ITSN1: variants seen among roughly 807,000 people sequenced by gnomAD.
ITSN1 encodes the protein intersectin-1.
Under a neutral mutation model 239.8 loss-of-function variants are expected in ITSN1, and 58 were observed. That is an observed-to-expected ratio of 0.24 (90% CI 0.20 to 0.30). The LOEUF is 0.30. Among genes scored for constraint, ITSN1 ranks in the 10% least tolerant of loss-of-function variants. The pLI, the probability that ITSN1 is intolerant of heterozygous loss-of-function variation, is 1.00. For synonymous variants in ITSN1, 780 were observed against 770.8 expected, an observed-to-expected ratio of 1.01 and a Z score of -0.20; for missense variants, 1,558 against 2,103.3, an observed-to-expected ratio of 0.74 and a Z score of 5.07.
At chr21:33,839,005 C>T (rs907179388) in intron 29 of ITSN1, among the ~76,000 whole-genome samples, 1 of 152,220 alleles carries the variant, frequency 6.6e-6, no homozygotes, top group Non-Finnish European at 1.5e-5. Context: ...GCTACAATGA[C>T]CACATGCTTG....
At chr21:33,660,448 C>T (rs891826023) in intron 1 of ITSN1, among the ~76,000 whole-genome samples, 3 of 152,106 alleles carry the variant, frequency 2.0e-5, no homozygotes, top group Non-Finnish European at 4.4e-5. Context: ...AAACCTATTA[C>T]ATGTTAACAT....
chr21:33,679,698 CTTTTTTTTTT>C (rs34301203), intron 1 of ITSN1, among the ~76,000 whole-genome samples: 11 of 86,318 alleles, frequency 1.3e-4, no homozygotes, highest in Admixed American at 1.7e-4. Flanking sequence ...GATCCTTATC[CTTTTTTTTTT>C]TTTTTTTTTT....
intron 14 of ITSN1, among the ~76,000 whole-genome samples, chr21:33,779,365 G>A (rs1042453557): frequency 4.6e-5 from 7 of 151,638 alleles, no homozygotes; most frequent in African/African-American, 1.7e-4. Context: ...TTTTTAATAT[G>A]TTGCATTTTC....
intron 29 of ITSN1, among the ~76,000 whole-genome samples, chr21:33,838,878 C>T (rs1267807888): frequency 6.6e-6 from 1 of 152,158 alleles, no homozygotes; most frequent in African/African-American, 2.4e-5. Context: ...TGGTGAACAC[C>T]CCCAAAATTA....
intron 29 of ITSN1, among the ~76,000 whole-genome samples, chr21:33,846,552 C>T (rs1264557987): frequency 2.0e-5 from 3 of 152,178 alleles, no homozygotes; most frequent in African/African-American, 7.2e-5. Flanking sequence ...CACCCTGCCT[C>T]CCTGCTGATT....
In ITSN1 at chr21:33,894,107, A is replaced by G. The variant is rs952478090; in HGVS notation, c.*5807A>G. On this transcript the variant is annotated 3_prime_UTR_variant, in exon 40 of 40. Transcript: ENST00000381318. ...GACGGGCCTGCCTTGGTGGCATTCAAGCAAGCCTAATTGGATTAGGTTGGT... is the reference window on the plus strand; with the variant it reads ...GACGGGCCTGCCTTGGTGGCATTCAGGCAAGCCTAATTGGATTAGGTTGGT... The G allele has an allele frequency of 2.0e-5, 3 of 152,240 alleles. No individual in the cohort carries two copies. Among genetic ancestry groups the G allele is most frequent in the Non-Finnish European group, 4.4e-5 (3 of 68,042 alleles). 9.4% of individuals were successfully genotyped at this position (152,240 alleles called of 1,614,324 possible). A position where few individuals can be genotyped will look rare whatever the true frequency, so the allele number is the denominator to read the frequency against.
At chr21:33,685,616 TAAA>T (rs933917476) in intron 1 of ITSN1, among the ~76,000 whole-genome samples, 26 of 109,266 alleles carry the variant, frequency 2.4e-4, no homozygotes, top group Admixed American at 3.9e-4. Flanking sequence ...CCTTTTTGAG[TAAA>T]AAAAAAAAAA....
intron 27 of ITSN1, among the ~76,000 whole-genome samples, chr21:33,831,288 G>C (rs191447108): frequency 3.2e-4 from 49 of 152,330 alleles, no homozygotes; most frequent in African/African-American, 1.2e-3. Context: ...GCAGCCGTCC[G>C]TCTCTCTGGC....
chr21:33,748,154 C>G (rs1327650481), intron 5 of ITSN1, among the ~76,000 whole-genome samples: 1 of 152,106 alleles, frequency 6.6e-6, no homozygotes, highest in Non-Finnish European at 1.5e-5. Flanking sequence ...AGATTTTAAT[C>G]CCTACAACAA....
chr21:33,767,445 T>C (rs1015436918), intron 10 of ITSN1, among the ~76,000 whole-genome samples: 2 of 152,206 alleles, frequency 1.3e-5, no homozygotes, highest in African/African-American at 4.8e-5. Flanking sequence ...TTCTTACCAC[T>C]TTTTGATTAT....
intron 5 of ITSN1, among the ~76,000 whole-genome samples, chr21:33,744,654 C>T (rs2067073594): frequency 1.3e-5 from 2 of 152,158 alleles, no homozygotes; most frequent in Admixed American, 6.5e-5. Flanking sequence ...AAGGACCCAT[C>T]TTGTAATACT....
chr21:33,876,442 G>A (rs1039712731), intron 34 of ITSN1, among the ~76,000 whole-genome samples: 2 of 151,948 alleles, frequency 1.3e-5, no homozygotes, highest in Non-Finnish European at 2.9e-5. Context: ...CCAGTTCAAT[G>A]CAGCCTGGAC....
chr21:33,680,393 G>A (rs1167345368), intron 1 of ITSN1, among the ~76,000 whole-genome samples: 2 of 150,132 alleles, frequency 1.3e-5, no homozygotes, highest in East Asian at 2.0e-4. Context: ...ATGCAATGGC[G>A]CAATCTCGGC....
At chr21:33,764,056 A>G (rs1250592787) in intron 9 of ITSN1, among the ~76,000 whole-genome samples, 1 of 152,236 alleles carries the variant, frequency 6.6e-6, no homozygotes, top group Non-Finnish European at 1.5e-5. Flanking sequence ...TCTTTAAATC[A>G]GGGTATTGAA....
chr21:33,796,392 G>A (rs757138524), intron 17 of ITSN1, among the ~76,000 whole-genome samples: 6 of 152,190 alleles, frequency 3.9e-5, no homozygotes, highest in Non-Finnish European at 8.8e-5. Context: ...TAAGATTTAA[G>A]TTTAAAGACT....
chr21:33,796,286 G>GT (rs985209474), intron 17 of ITSN1, among the ~76,000 whole-genome samples: 9 of 151,824 alleles, frequency 5.9e-5, no homozygotes, highest in African/African-American at 2.2e-4. Context: ...TTTTATTATG[G>GT]TTTTTTTGTT....
At chr21:33,680,971 C>T (rs1037039930) in intron 1 of ITSN1, among the ~76,000 whole-genome samples, 1 of 152,278 alleles carries the variant, frequency 6.6e-6, no homozygotes, top group African/African-American at 2.4e-5. Flanking sequence ...CAGTAGTTTA[C>T]GACAACAAAA....
chr21:33,707,018 T>C (rs9981898), intron 1 of ITSN1, among the ~76,000 whole-genome samples: 121,648 of 152,152 alleles, frequency 0.8, 49,301 homozygotes, highest in African/African-American at 0.94. Flanking sequence ...CCACTGCACC[T>C]GGCCTCAATT....
Position 33,899,510 on chromosome 21 carries a change from C to G in ITSN1, c.*11210C>G, listed in dbSNP as rs1986978156. ...ATGGAATTCTAAGAATTACTAGACA[C>G]TATTATAAATTGTAGACTTACGTAT... On this transcript the variant is annotated 3_prime_UTR_variant, in exon 40 of 40. Coordinates refer to ENST00000381318, the MANE Select transcript of ITSN1 (RefSeq NM_003024.3). The G allele has an allele frequency of 6.6e-6, 1 of 152,196 alleles. No individual in the cohort carries two copies. The highest frequency in any genetic ancestry group is 1.5e-5 in the Non-Finnish European group (1 of 68,044). The allele number at this position is 152,196 out of a possible 1,614,324, so 9.4% of individuals were successfully genotyped here.
Sources: gnomAD v4.1 joint callset for allele counts (sites outside exome capture counted in the v4.1 genomes callset) on GRCh38, gnomAD v4.1.1 for gene constraint, MANE v1.5 for transcripts, NCBI Gene and HGNC (gene_info 2026-07-23, HGNC 2026-07-21) for gene names.